The following TCF12 variants were observed in gnomAD, a reference collection of about 807,000 sequenced individuals.
TCF12 encodes DNA-binding protein HTF4.
Under a neutral mutation model 86.0 loss-of-function variants are expected in TCF12, and 45 were observed. That is an observed-to-expected ratio of 0.52 (90% CI 0.41 to 0.67). The LOEUF (loss-of-function observed/expected upper bound fraction) is 0.67. TCF12 is among the 30% of genes least tolerant of loss of function. TCF12 has a pLI of 0.00. For synonymous variants in TCF12, 330 were observed against 299.6 expected (o/e 1.10, Z -1.05); for missense variants, 881 against 859.9 (o/e 1.02, Z -0.31).
intron 6 of TCF12, among the ~76,000 whole-genome samples, chr15:57,172,729 C>T (rs1240241084): frequency 2.0e-5 from 3 of 151,990 alleles, no homozygotes; most frequent in South Asian, 4.2e-4. Flanking sequence ...CTCCCCGACA[C>T]GAGTTTACCT....
chr15:56,954,581 TA>T, intron 3 of TCF12, among the ~76,000 whole-genome samples: 1 of 152,216 alleles, frequency 6.6e-6, no homozygotes, highest in Admixed American at 6.5e-5. Context: ...GGGACCTAAT[TA>T]AACTAAAGAG....
chr15:57,170,666 TATATATATA>T (rs2055286501), intron 6 of TCF12, among the ~76,000 whole-genome samples: 1 of 25,832 alleles, frequency 3.9e-5, no homozygotes, highest in Non-Finnish European at 6.9e-5. Flanking sequence ...ATAAAATATA[TATATATATA>T]ATATATTATA....
intron 4 of TCF12, among the ~76,000 whole-genome samples, chr15:57,066,614 CA>C (rs2068896737): frequency 1.3e-5 from 2 of 151,236 alleles, no homozygotes; most frequent in African/African-American, 4.9e-5. Context: ...CTTAGTAGGC[CA>C]AAAAAAGGGT....
chr15:57,215,972 A>C (rs1264543282), intron 8 of TCF12, among the ~76,000 whole-genome samples: 1 of 152,152 alleles, frequency 6.6e-6, no homozygotes, highest in Admixed American at 6.5e-5. Context: ...ATTTAAACTG[A>C]AGTTTCCAGA....
chr15:57,146,209 G>A (rs2053351580), intron 5 of TCF12, among the ~76,000 whole-genome samples: 1 of 151,942 alleles, frequency 6.6e-6, no homozygotes, highest in Non-Finnish European at 1.5e-5. Context: ...GTAATAATGA[G>A]GGTAACCAGT....
chr15:57,083,548 C>T (rs2048445252), intron 4 of TCF12, among the ~76,000 whole-genome samples: 1 of 151,868 alleles, frequency 6.6e-6, no homozygotes, highest in African/African-American at 2.4e-5. Flanking sequence ...AATTAATTTT[C>T]TAGTCTTCTT....
chr15:57,262,088 C>A lies in TCF12; in HGVS notation c.1468-6C>A. ...TTTTTTATTTTTGGGTTTTCCTTAACTTTAGGTTGGAACTCATCGGGAAGA... is the reference window on the plus strand; with the variant it reads ...TTTTTTATTTTTGGGTTTTCCTTAAATTTAGGTTGGAACTCATCGGGAAGA... On this transcript the variant is annotated splice_region_variant and splice_polypyrimidine_tract_variant and intron_variant, in intron 16 of 20. Coordinates refer to ENST00000333725, the MANE Select transcript of TCF12 (RefSeq NM_207037.2). 1.3e-6 allele frequency: 2 copies of A among 1,596,246 alleles called. No individual in the cohort carries two copies. Among genetic ancestry groups the A allele is most frequent in the Non-Finnish European group, 1.7e-6 (2 of 1,170,606 alleles).
chr15:57,162,750 A>G (rs1279141830), intron 5 of TCF12, among the ~76,000 whole-genome samples: 1 of 152,228 alleles, frequency 6.6e-6, no homozygotes, highest in Admixed American at 6.5e-5. Flanking sequence ...ACAGATAATT[A>G]AGATTGTATT....
chr15:56,985,512 T>C (rs185680759), intron 3 of TCF12, among the ~76,000 whole-genome samples: 4 of 152,182 alleles, frequency 2.6e-5, no homozygotes, highest in African/African-American at 9.7e-5. Flanking sequence ...ACGTAGATGG[T>C]AGCAAATTGG....
rs192288120 is a variant in TCF12, at chr15:57,232,493, A to G, written c.825+63A>G. 1,987 of 1,526,566 alleles carry G rather than the reference A, an allele frequency of 1.3e-3. 63 individuals carry two copies. In the Admixed American group the frequency reaches 0.042, roughly 32 times the overall value. 94.6% of individuals were successfully genotyped at this position (1,526,566 alleles called of 1,614,324 possible). A position where few individuals can be genotyped will look rare whatever the true frequency, so the allele number is the denominator to read the frequency against. On this transcript the variant is annotated intron_variant, in intron 10 of 20. Transcript: ENST00000333725. ...TGTCCTCACTTGTGTTTCTTTTTGG[A>G]TTAGAAGTGTAAAATCTAAGTCTGC...
intron 3 of TCF12, among the ~76,000 whole-genome samples, chr15:57,057,030 A>G (rs1248208730): frequency 6.6e-6 from 1 of 152,022 alleles, no homozygotes; most frequent in East Asian, 1.9e-4. Flanking sequence ...TGTTCTTCCA[A>G]AGAGTTTTGA....
intron 6 of TCF12, among the ~76,000 whole-genome samples, chr15:57,174,430 A>G (rs189165995): frequency 6.5e-4 from 99 of 152,352 alleles, no homozygotes; most frequent in Admixed American, 1.0e-3. Context: ...AAAGACAAAC[A>G]TGAAAAAAAT....
chr15:57,132,860 G>A (rs930435253), intron 5 of TCF12, among the ~76,000 whole-genome samples: 33 of 152,246 alleles, frequency 2.2e-4, no homozygotes, highest in African/African-American at 7.7e-4. Context: ...CTCTGCCTAT[G>A]TCTAATTATA....
rs148573382 is a variant in TCF12 at position 56,990,410 on chromosome 15, T to C, written c.148+69312T>C. Among the ~76,000 whole-genome samples, 1,429 of 152,196 alleles carry C rather than the reference T, an allele frequency of 9.4e-3. 11 individuals carry two copies. The highest frequency in any genetic ancestry group is 0.017 in the Middle Eastern group (5 of 294). On this transcript the variant is annotated intron_variant, in intron 3 of 20. Coordinates refer to ENST00000333725, the MANE Select transcript of TCF12 (RefSeq NM_207037.2). ...TTTCTAGGACAGATTTAGAAACTTA[T>C]AGACTTGTAGTTATAGGATAAATGT...
intron 5 of TCF12, among the ~76,000 whole-genome samples, chr15:57,137,041 G>A (rs573740952): frequency 1.1e-4 from 15 of 135,190 alleles, no homozygotes; most frequent in South Asian, 4.8e-4. Context: ...GTGCAGTGGC[G>A]CGATCTCGGC....
intron 3 of TCF12, among the ~76,000 whole-genome samples, chr15:57,014,551 A>G (rs1283361874): frequency 6.6e-6 from 1 of 152,184 alleles, no homozygotes; most frequent in Non-Finnish European, 1.5e-5. Flanking sequence ...AATGATCAGG[A>G]TGAAAGACCT....
At chr15:57,017,609 G>T (rs921936568) in intron 3 of TCF12, among the ~76,000 whole-genome samples, 5 of 152,056 alleles carry the variant, frequency 3.3e-5, no homozygotes, top group African/African-American at 1.2e-4. Flanking sequence ...TACAAAGTAG[G>T]TATATCAAAA....
At chr15:57,152,905 C>G (rs1202167010) in intron 5 of TCF12, among the ~76,000 whole-genome samples, 1 of 151,630 alleles carries the variant, frequency 6.6e-6, no homozygotes, top group Non-Finnish European at 1.5e-5. Flanking sequence ...ATTTAAAGTG[C>G]TGAAAACCAA....
intron 5 of TCF12, among the ~76,000 whole-genome samples, chr15:57,114,839 A>C (rs142956887): frequency 8.8e-4 from 134 of 152,298 alleles, no homozygotes; most frequent in African/African-American, 3.2e-3. Context: ...GCTTTGCCTG[A>C]AGGAGGCATT....
Sources: gnomAD v4.1 joint callset for allele counts (sites outside exome capture counted in the v4.1 genomes callset) on GRCh38, gnomAD v4.1.1 for gene constraint, MANE v1.5 for transcripts, NCBI Gene and HGNC (gene_info 2026-07-23, HGNC 2026-07-21) for gene names.